SGCD: variants seen among roughly 807,000 people sequenced by gnomAD.
The protein encoded by SGCD is delta-sarcoglycan.
In SGCD, 18 loss-of-function variants were observed where a neutral mutation model predicts 36.6. The ratio of observed to expected loss-of-function variants is 0.49; its 90% confidence interval spans 0.34 to 0.73. The LOEUF (loss-of-function observed/expected upper bound fraction) is 0.73. Among genes scored for constraint, SGCD ranks in the 30% least tolerant of loss-of-function variants. The pLI is 0.01. For missense variants in SGCD, 387 were observed against 346.7 expected (o/e 1.12, Z -0.92); for synonymous variants, 133 against 130.6 (o/e 1.02, Z -0.12).
At chr5:156,548,546 T>C (rs1372439685) in intron 4 of SGCD, among the ~76,000 whole-genome samples, 1 of 152,246 alleles carries the variant, frequency 6.6e-6, no homozygotes, top group African/African-American at 2.4e-5. Flanking sequence ...AGCTTTGGTC[T>C]TGATTCTAAA....
At chr5:156,245,512 T>TA (rs1204261413) in intron 3 of SGCD, among the ~76,000 whole-genome samples, 1 of 152,034 alleles carries the variant, frequency 6.6e-6, no homozygotes, top group East Asian at 1.9e-4. Context: ...ACTAATAACA[T>TA]AAAAAAATCC....
At chr5:156,068,163 G>A (rs1313947558) in intron 1 of SGCD, among the ~76,000 whole-genome samples, 1 of 150,936 alleles carries the variant, frequency 6.6e-6, no homozygotes, top group Non-Finnish European at 1.5e-5. Flanking sequence ...GGGTACATGT[G>A]CACAATGTGC....
intron 4 of SGCD, among the ~76,000 whole-genome samples, chr5:156,515,292 GT>G (rs1757110164): frequency 6.6e-6 from 1 of 151,986 alleles, no homozygotes; most frequent in Non-Finnish European, 1.5e-5. Flanking sequence ...CAGTAATGAC[GT>G]TTTCACTCAT....
intron 6 of SGCD, among the ~76,000 whole-genome samples, chr5:156,632,504 G>A (rs912452684): frequency 6.6e-6 from 1 of 152,156 alleles, no homozygotes; most frequent in Non-Finnish European, 1.5e-5. Context: ...GGCTTGCATT[G>A]GTCAGTGAGA....
At chr5:155,845,336 A>G in the SGCD span, 3 of 152,172 alleles carry the variant, frequency 2.0e-5, no homozygotes, top group Admixed American at 2.0e-4. Flanking sequence ...TTTGATGATG[A>G]CAGTAGGAAG....
intron 3 of SGCD, among the ~76,000 whole-genome samples, chr5:156,141,316 G>C (rs1489139904): frequency 6.6e-6 from 1 of 152,132 alleles, no homozygotes; most frequent in Non-Finnish European, 1.5e-5. Context: ...AAAATGTCTA[G>C]TAGAGCCATG....
chr5:156,576,946 C>CTT (rs903662670), intron 4 of SGCD, among the ~76,000 whole-genome samples: 2 of 152,070 alleles, frequency 1.3e-5, no homozygotes, highest in African/African-American at 4.8e-5. Flanking sequence ...TCTATTTTGG[C>CTT]TTTTGTTGCC....
intron 3 of SGCD, among the ~76,000 whole-genome samples, chr5:156,478,763 T>A (rs541621592): frequency 9.2e-5 from 14 of 152,096 alleles, no homozygotes; most frequent in Non-Finnish European, 8.8e-5. Context: ...GTATTTTTAG[T>A]AGAGACGGGG....
intron 3 of SGCD, among the ~76,000 whole-genome samples, chr5:156,233,073 A>G (rs189611196): frequency 4.3e-4 from 66 of 152,320 alleles, no homozygotes; most frequent in Admixed American, 7.8e-4. Flanking sequence ...TGACAATAGG[A>G]CACCAGGGAA....
intron 1 of SGCD, among the ~76,000 whole-genome samples, chr5:155,985,427 G>A (rs780557304): frequency 4.6e-5 from 7 of 152,014 alleles, no homozygotes; most frequent in South Asian, 4.2e-4. Context: ...CTTCTGCGTC[G>A]TCCTCTAATT....
chr5:156,506,929 G>T (rs1260502154), intron 3 of SGCD, among the ~76,000 whole-genome samples: 1 of 152,130 alleles, frequency 6.6e-6, no homozygotes, highest in African/African-American at 2.4e-5. Context: ...ATAGAATTAG[G>T]ATATAACCAG....
chr5:156,223,663 G>A (rs1053264150), intron 3 of SGCD, among the ~76,000 whole-genome samples: 5 of 152,068 alleles, frequency 3.3e-5, no homozygotes, highest in African/African-American at 1.2e-4. Flanking sequence ...GTGTTTATGA[G>A]AATGGAGAGC....
intron 3 of SGCD, among the ~76,000 whole-genome samples, chr5:156,475,522 A>G (rs1755142007): frequency 6.6e-6 from 1 of 152,210 alleles, no homozygotes; most frequent in South Asian, 2.1e-4. Context: ...GACTGGTTCT[A>G]TCATTTTGTT....
At chr5:156,380,875 TC>T (rs1282862804) in intron 3 of SGCD, among the ~76,000 whole-genome samples, 1 of 152,216 alleles carries the variant, frequency 6.6e-6, no homozygotes, top group Non-Finnish European at 1.5e-5. Context: ...TGATGATACA[TC>T]TTTTTCTCTC....
rs1205810694 is a variant in SGCD, at chr5:156,229,239, C to CATAT, written c.-43-100285_-43-100282dup. Among the ~76,000 whole-genome samples the CATAT allele has an allele frequency of 1.9e-4, 20 of 103,844 alleles. 1 individual carries two copies. The highest frequency in any genetic ancestry group is 1.4e-3 in the Admixed American group (12 of 8,616). The allele number at this position is 103,844 out of a possible 152,430, so 68.1% of individuals were successfully genotyped here. A position where few individuals can be genotyped will look rare whatever the true frequency, so the allele number is the denominator to read the frequency against. ...AATAAACTTTATATACATATACATACATATATATATATACATACATACATA... is the reference window on the plus strand; with the variant it reads ...AATAAACTTTATATACATATACATACATATATATATATATATACATACATACATA... On this transcript the variant is annotated intron_variant, in intron 3 of 9. Coordinates refer to the SGCD transcript ENST00000517913.
intron 3 of SGCD, among the ~76,000 whole-genome samples, chr5:156,220,973 A>G (rs954651518): frequency 2.6e-5 from 4 of 152,270 alleles, no homozygotes; most frequent in Admixed American, 2.6e-4. Flanking sequence ...TGTCACAAAC[A>G]GGAGCATTTT....
intron 4 of SGCD, among the ~76,000 whole-genome samples, chr5:156,529,090 G>A (rs1448435891): frequency 2.0e-5 from 3 of 152,046 alleles, no homozygotes; most frequent in African/African-American, 7.2e-5. Flanking sequence ...CGTAGTAACT[G>A]CTGAGTACAT....
At chr5:156,283,721 A>G (rs555280052) in intron 3 of SGCD, among the ~76,000 whole-genome samples, 1 of 152,180 alleles carries the variant, frequency 6.6e-6, no homozygotes, top group South Asian at 2.1e-4. Context: ...TTCCGGACCC[A>G]TTCCTAGAGT....
intron 3 of SGCD, among the ~76,000 whole-genome samples, chr5:156,159,205 G>A (rs1483077176): frequency 6.6e-6 from 1 of 151,578 alleles, no homozygotes; most frequent in Non-Finnish European, 1.5e-5. Flanking sequence ...AATGTCTAGT[G>A]CTATGTGTGC....
Sources: gnomAD v4.1 joint callset for allele counts (sites outside exome capture counted in the v4.1 genomes callset) on GRCh38, gnomAD v4.1.1 for gene constraint, MANE v1.5 for transcripts, NCBI Gene and HGNC (gene_info 2026-07-23, HGNC 2026-07-21) for gene names.